Variants in CSPG5 observed in about 807,000 individuals in gnomAD.
CSPG5 encodes the protein chondroitin sulfate proteoglycan 5.
In CSPG5, 25 loss-of-function variants were observed where a neutral mutation model predicts 39.8. The observed-to-expected ratio is 0.63, with a 90% confidence interval of 0.46 to 0.88. CSPG5 has a LOEUF of 0.88. CSPG5 is among the 40% of genes least tolerant of loss of function. CSPG5 has a pLI of 0.00. For synonymous variants in CSPG5, 295 were observed against 303.9 expected (o/e 0.97, Z 0.31); for missense variants, 627 against 702.2 (o/e 0.89, Z 1.21).
chr3:47,578,508 C>T lies in CSPG5; in HGVS notation c.97+89G>A, dbSNP rs1186723435. On this transcript the variant is annotated intron_variant, in intron 1 of 4. Coordinates refer to ENST00000264723, the MANE Select transcript of CSPG5 (RefSeq NM_006574.4). This position sits in a 1 kb window ranked among gnomAD's most constrained non-coding sequence, Gnocchi z 6.0. ...GGTGCCCCGCCCCCTTGCCACAGCTCACAGCTCCACCTGTCCCCGCCGCCA... is the reference window on the plus strand; with the variant it reads ...GGTGCCCCGCCCCCTTGCCACAGCTTACAGCTCCACCTGTCCCCGCCGCCA... The T allele has an allele frequency of 5.3e-6, 2 of 374,116 alleles. No individual in the cohort carries two copies. The highest frequency in any genetic ancestry group is 5.8e-5 in the East Asian group (1 of 17,354). 23.2% of individuals were successfully genotyped at this position (374,116 alleles called of 1,614,324 possible). A position where few individuals can be genotyped will look rare whatever the true frequency, so the allele number is the denominator to read the frequency against.
rs778125605 is a variant in CSPG5, at chr3:47,577,199, T to A, written c.827A>T (p.Asp276Val). ...ATCCTCCTCTTCCTCCTCCTCTTCA[T>A]CCAAGTCATCATAAAAGGATGTGGT... Reference protein sequence around the residue: ...YPTTSFYDDLDEEEEEEEDDK... With the variant: ...YPTTSFYDDLVEEEEEEEDDK... The change falls in exon 2 of 5, where the codon GAT becomes GTT. Residue 276 changes from aspartate to valine, a missense_variant. By Grantham distance (152) the Asp-to-Val change is radical. Coordinates refer to ENST00000264723, the MANE Select transcript of CSPG5 (RefSeq NM_006574.4). This position sits in a 1 kb window ranked among gnomAD's most constrained non-coding sequence, Gnocchi z 4.7. 1.9e-6 allele frequency: 3 copies of A among 1,607,774 alleles called. No homozygotes were observed. Among genetic ancestry groups the A allele is most frequent in the Non-Finnish European group, 2.5e-6 (3 of 1,176,890 alleles).
rs563936126 is a variant in CSPG5, at chr3:47,572,976, C to T, written c.1194-102G>A. 9 of 937,140 alleles carry T rather than the reference C, an allele frequency of 9.6e-6. No homozygotes were observed. The highest frequency in any genetic ancestry group is 3.6e-5 in the South Asian group (2 of 55,190). The allele number at this position is 937,140 out of a possible 1,614,324, so 58.1% of individuals were successfully genotyped here. On this transcript the variant is annotated intron_variant, in intron 2 of 4. Coordinates refer to ENST00000264723, the MANE Select transcript of CSPG5 (RefSeq NM_006574.4). This position sits in a 1 kb window ranked among gnomAD's most constrained non-coding sequence, Gnocchi z 4.5. ...CAACACCTATCTCCACAGCCTGTTC[C>T]GAAGGCCATCTAGAGGAACTGCAAT...
In CSPG5 at chr3:47,577,910, G is replaced by T. The variant is rs745797029; in HGVS notation, c.116C>A (p.Ala39Glu). ...GAVPAREAGS[A>E]VEAEELVKGS... is the part of the protein sequence containing the mutation. ...CTTCACCAGCTCTTCGGCCTCAACC[G>T]CGCTGCCCGCCTCACGCGCTGCGGG... The change falls in exon 2 of 5, where the codon GCG (alanine) becomes GAG (glutamate). Residue 39 changes from alanine (A) to glutamate (E), a missense_variant. Transcript: ENST00000264723. This position sits in a 1 kb window ranked among gnomAD's most constrained non-coding sequence, Gnocchi z 4.7. 2 of 1,451,794 alleles carry T rather than the reference G, an allele frequency of 1.4e-6. No homozygotes were observed. Among genetic ancestry groups the T allele is most frequent in the Non-Finnish European group, 9.0e-7 (1 of 1,115,904 alleles). The allele number at this position is 1,451,794 out of a possible 1,614,324, so 89.9% of individuals were successfully genotyped here. A position where few individuals can be genotyped will look rare whatever the true frequency, so the allele number is the denominator to read the frequency against.
chr3:47,576,654 T>C (rs901024352), intron 2 of CSPG5, among the ~76,000 whole-genome samples, 179 bp downstream of exon 2: 1 of 152,006 alleles, frequency 6.6e-6, no homozygotes, highest in Non-Finnish European at 1.5e-5. Context: ...GAGATGGGGT[T>C]TCACCAACTT....
intron 4 of CSPG5, among the ~76,000 whole-genome samples, chr3:47,567,081 G>C (rs1300035725): frequency 9.2e-5 from 14 of 152,242 alleles, no homozygotes; most frequent in Non-Finnish European, 1.5e-5. Flanking sequence ...TCCAAGAGGA[G>C]CTCTTTCTTT....
rs1219833019 is a variant in CSPG5, at chr3:47,577,509, A to G, written c.517T>C (p.Leu173=). The G allele has an allele frequency of 1.2e-6, 2 of 1,610,840 alleles. No individual in the cohort carries two copies. Among genetic ancestry groups the G allele is most frequent in the African/African-American group, 1.4e-5 (1 of 74,060 alleles). The change falls in exon 2 of 5, where the codon TTG becomes CTG. Residue 173 remains leucine (L), a synonymous_variant. Coordinates refer to ENST00000264723, the MANE Select transcript of CSPG5 (RefSeq NM_006574.4). This position sits in a 1 kb window ranked among gnomAD's most constrained non-coding sequence, Gnocchi z 4.7. ...PASELPKESP[L]EVWLNLGGST... is the part of the protein sequence containing the mutation. ...CCCCCCAGGTTCAGCCAAACCTCCA[A>G]GGGGCTCTCCTTGGGGAGTTCAGAA...
intron 4 of CSPG5, 167 bp downstream of exon 4, chr3:47,568,985 G>C: frequency 7.9e-7 from 1 of 1,272,278 alleles, no homozygotes; most frequent in Non-Finnish European, 1.0e-6. Context: ...GAGCTCTCTG[G>C]GGATTTCATA....
Position 47,577,412 on chromosome 3 carries a change from G to A in CSPG5, c.614C>T (p.Ser205Leu), listed in dbSNP as rs765152959. 1.1e-5 allele frequency: 18 copies of A among 1,614,064 alleles called. No individual in the cohort carries two copies. In the South Asian group the frequency reaches 2.0e-4, roughly 18 times the overall value. ...FQGTLEPQPASDIIDIDYFEG... is the reference protein window; with the variant it reads ...FQGTLEPQPALDIIDIDYFEG... Reference sequence around the variant, plus strand: ...GAAGTAGTCGATGTCAATGATATCTGATGCCGGTTGGGGCTCCAGGGTGCC... The same window carrying A: ...GAAGTAGTCGATGTCAATGATATCTAATGCCGGTTGGGGCTCCAGGGTGCC... The change falls in exon 2 of 5, where the codon TCA becomes TTA. Residue 205 changes from serine to leucine, a missense_variant. Ser to Leu is a moderately radical substitution (Grantham distance 145, BLOSUM62 -2). Coordinates refer to ENST00000264723, the MANE Select transcript of CSPG5 (RefSeq NM_006574.4). This position sits in a 1 kb window ranked among gnomAD's most constrained non-coding sequence, Gnocchi z 4.7.
Position 47,578,582 on chromosome 3 carries a change from C to A in CSPG5, c.97+15G>T. 3.8e-6 allele frequency: 4 copies of A among 1,057,540 alleles called. No individual in the cohort carries two copies. Among genetic ancestry groups the A allele is most frequent in the East Asian group, 3.9e-5 (1 of 25,644 alleles). The allele number at this position is 1,057,540 out of a possible 1,614,324, so 65.5% of individuals were successfully genotyped here. A position where few individuals can be genotyped will look rare whatever the true frequency, so the allele number is the denominator to read the frequency against. ...GCACGAGGGCCGCGGGGGTCCCGGG[C>A]GCAGTCATACCTACCCGGCACGGCC... On this transcript the variant is annotated intron_variant, in intron 1 of 4. Coordinates refer to ENST00000264723, the MANE Select transcript of CSPG5 (RefSeq NM_006574.4). The surrounding 1 kb of genome is among the most constrained non-coding windows in gnomAD (Gnocchi z 6.0).
chr3:47,564,428 C>T (rs969164183), intron 4 of CSPG5, among the ~76,000 whole-genome samples: 2 of 152,190 alleles, frequency 1.3e-5, no homozygotes, highest in Admixed American at 6.5e-5. Context: ...TCACTCGGTG[C>T]TTCTCCAGAG....
chr3:47,564,758 T>C (rs1386993982), intron 4 of CSPG5, among the ~76,000 whole-genome samples: 1 of 152,124 alleles, frequency 6.6e-6, no homozygotes, highest in African/African-American at 2.4e-5. Context: ...GTTTTAAAAA[T>C]ATAGATATAG....
chr3:47,562,555 C>A lies in CSPG5; in HGVS notation c.*45G>T. On this transcript the variant is annotated 3_prime_UTR_variant, in exon 5 of 5. Coordinates refer to ENST00000264723, the MANE Select transcript of CSPG5 (RefSeq NM_006574.4). ...ACAAGAGGAGATAATGTTTCTTCCCCTACCCCCCACCCACTACCCCCGCTT... is the reference window on the plus strand; with the variant it reads ...ACAAGAGGAGATAATGTTTCTTCCCATACCCCCCACCCACTACCCCCGCTT... The A allele has an allele frequency of 6.5e-7, 1 of 1,541,766 alleles. No individual in the cohort carries two copies. The highest frequency in any genetic ancestry group is 1.2e-5 in the South Asian group (1 of 86,232).
chr3:47,577,847 C>T lies in CSPG5; in HGVS notation c.179G>A (p.Arg60Gln), dbSNP rs759864034. Residue 60 changes from arginine to glutamine, a missense_variant, in exon 2 of 5, where the codon CGG becomes CAG. Coordinates refer to ENST00000264723, the MANE Select transcript of CSPG5 (RefSeq NM_006574.4). The surrounding 1 kb of genome is among the most constrained non-coding windows in gnomAD (Gnocchi z 4.7). ...AGCCGCTGGTGGGCCGGCTTCTTCC[C>T]GCGTGTCGTTGGCAGGCGGCTCCCA... is the stretch of plus-strand genomic sequence containing the variant. Reference protein sequence around the residue: ...PAWEPPANDTREEAGPPAAGE... With the variant: ...PAWEPPANDTQEEAGPPAAGE... 6.5e-6 allele frequency: 10 copies of T among 1,548,466 alleles called. No homozygotes were observed. In the African/African-American group the frequency reaches 1.3e-4, roughly 19 times the overall value.
chr3:47,578,729 G>A lies in CSPG5; in HGVS notation c.-36C>T. Reference sequence around the variant, plus strand: ...CCCGACCGCTGTCCGCGGTCCGCCCGGCTGGCTGCGCCCTCGGCTCGCCCG... The same window carrying A: ...CCCGACCGCTGTCCGCGGTCCGCCCAGCTGGCTGCGCCCTCGGCTCGCCCG... On this transcript the variant is annotated 5_prime_UTR_variant, in exon 1 of 5. Transcript: ENST00000264723. The surrounding 1 kb of genome is among the most constrained non-coding windows in gnomAD (Gnocchi z 6.0). 1 of 549,380 alleles carries A rather than the reference G, an allele frequency of 1.8e-6. No homozygotes were observed. The highest frequency in any genetic ancestry group is 7.5e-5 in the South Asian group (1 of 13,380). 34.0% of individuals were successfully genotyped at this position (549,380 alleles called of 1,614,324 possible). A position where few individuals can be genotyped will look rare whatever the true frequency, so the allele number is the denominator to read the frequency against.
intron 4 of CSPG5, among the ~76,000 whole-genome samples, chr3:47,563,132 C>A (rs532232946): frequency 2.0e-5 from 3 of 152,326 alleles, no homozygotes; most frequent in Non-Finnish European, 4.4e-5. Flanking sequence ...TTCCTCTGGC[C>A]TTCCATCCTG....
At chr3:47,569,025 G>T (rs565404199) in intron 4 of CSPG5, 127 bp downstream of exon 4, 40 of 1,419,416 alleles carry the variant, frequency 2.8e-5, no homozygotes, top group Non-Finnish European at 9.3e-7. Flanking sequence ...CATGGGCCAG[G>T]GGCCAAAGCA....
At chr3:47,567,203 C>T (rs2031342542) in intron 4 of CSPG5, among the ~76,000 whole-genome samples, 1 of 152,122 alleles carries the variant, frequency 6.6e-6, no homozygotes, top group Admixed American at 6.5e-5. Flanking sequence ...AGGACTCTGT[C>T]CAACCGTGGA....
intron 4 of CSPG5, 70 bp from the exon 5 acceptor site, chr3:47,562,831 T>C: frequency 7.0e-7 from 1 of 1,426,264 alleles, no homozygotes; most frequent in South Asian, 1.4e-5. Context: ...ATCAGCGTTT[T>C]CTATCTGGTT....
At position 47,572,569 on chromosome 3, in the gene CSPG5, A is replaced by T; in HGVS notation, c.1382+117T>A. ...GCACAGACAAAACAGCTGGGAATGG[A>T]GCACAGGTGCCAGAAACCCTCACGA... On this transcript the variant is annotated intron_variant, in intron 3 of 4. Coordinates refer to ENST00000264723, the MANE Select transcript of CSPG5 (RefSeq NM_006574.4). The surrounding 1 kb of genome is among the most constrained non-coding windows in gnomAD (Gnocchi z 4.5). The T allele has an allele frequency of 1.2e-6, 1 of 845,026 alleles. No individual in the cohort carries two copies. The highest frequency in any genetic ancestry group is 2.2e-5 in the Admixed American group (1 of 45,414). The allele number at this position is 845,026 out of a possible 1,614,324, so 52.3% of individuals were successfully genotyped here.
Sources: gnomAD v4.1 joint callset for allele counts (sites outside exome capture counted in the v4.1 genomes callset) on GRCh38, gnomAD v4.1.1 for gene constraint, Gnocchi (gnomAD v3.1) non-coding constraint, MANE v1.5 for transcripts, NCBI Gene and HGNC (gene_info 2026-07-23, HGNC 2026-07-21) for gene names.